ZNF845: variants seen among roughly 807,000 people sequenced by gnomAD.
ZNF845 encodes zinc finger protein 845.
In ZNF845, 59 loss-of-function variants were observed where a neutral mutation model predicts 76.1. The observed-to-expected ratio is 0.78, with a 90% CI of 0.63 to 0.96. The LOEUF (loss-of-function observed/expected upper bound fraction) is 0.96, where lower values mean the gene tolerates loss of function less well. ZNF845 is among the 40% of genes least tolerant of loss of function. The probability of loss-of-function intolerance (pLI) is 0.00; values close to 1 mark genes in which losing one functional copy is unlikely to be tolerated. For missense variants in ZNF845, 1,045 were observed against 1,172.8 expected, an observed-to-expected ratio of 0.89 and a Z score of 1.59; for synonymous variants, 361 against 386.9, an observed-to-expected ratio of 0.93 and a Z score of 0.78.
At position 53,351,441 on chromosome 19, in the gene ZNF845, C is replaced by G. The variant is rs771738910; in HGVS notation, c.766C>G (p.Arg256Gly). ...DVCGKVFNQK[R>G]YLACHRRCHT... ...GTGTGGCAAGGTCTTTAATCAAAAGCGATATCTTGCATGTCATCGTAGATG... is the reference window on the plus strand; with the variant it reads ...GTGTGGCAAGGTCTTTAATCAAAAGGGATATCTTGCATGTCATCGTAGATG... The change falls in exon 4 of 4, where the codon CGA becomes GGA. Residue 256 changes from arginine (R) to glycine (G), a missense_variant. Transcript: ENST00000458035. 1 of 1,614,128 alleles carries G rather than the reference C, an allele frequency of 6.2e-7. No individual in the cohort carries two copies. Among genetic ancestry groups the G allele is most frequent in the Non-Finnish European group, 8.5e-7 (1 of 1,180,024 alleles).
chr19:53,341,624 G>T (rs2085257687), intron 2 of ZNF845, among the ~76,000 whole-genome samples: 1 of 152,032 alleles, frequency 6.6e-6, no homozygotes, highest in Admixed American at 6.6e-5. Flanking sequence ...TTGTTCAGGG[G>T]CCACATCTGG....
At chr19:53,346,121 A>T (rs907054570) in intron 3 of ZNF845, among the ~76,000 whole-genome samples, 1 of 152,136 alleles carries the variant, frequency 6.6e-6, no homozygotes, top group African/African-American at 2.4e-5. Flanking sequence ...TTGCCTTCTG[A>T]GTGCAGAGTT....
At position 53,354,004 on chromosome 19, in the gene ZNF845, C is replaced by T; in HGVS notation, c.*416C>T. 2.0e-6 allele frequency: 1 copy of T among 492,360 alleles called. No individual in the cohort carries two copies. Among genetic ancestry groups the T allele is most frequent in the Non-Finnish European group, 3.7e-6 (1 of 269,890 alleles). The allele number at this position is 492,360 out of a possible 1,614,324, so 30.5% of individuals were successfully genotyped here. A position where few individuals can be genotyped will look rare whatever the true frequency, so the allele number is the denominator to read the frequency against. On this transcript the variant is annotated 3_prime_UTR_variant, in exon 4 of 4. Transcript: ENST00000458035. Reference sequence around the variant, plus strand: ...GAACTCATGCTGGAGAGAAACCTTACAAATGTCATGATTGTGGCAAGGTCT... The same window carrying T: ...GAACTCATGCTGGAGAGAAACCTTATAAATGTCATGATTGTGGCAAGGTCT...
Position 53,333,805 on chromosome 19 carries a change from C to A in ZNF845, c.-74+13C>A. The stretch of plus-strand genomic sequence containing the variant: ...TCCCACCGCAGCGGTGAGTTTTGCT[C>A]TGTGTTGTGTTAAGTCTGCGCTTCC... On this transcript the variant is annotated intron_variant, in intron 1 of 3. Coordinates refer to ENST00000458035, the MANE Select transcript of ZNF845 (RefSeq NM_138374.3). 6.3e-6 allele frequency: 1 copy of A among 159,532 alleles called. No individual in the cohort carries two copies. The highest frequency in any genetic ancestry group is 1.7e-4 in the South Asian group (1 of 5,864). The allele number at this position is 159,532 out of a possible 1,614,324, so 9.9% of individuals were successfully genotyped here.
chr19:53,337,111 T>G (rs761083317), intron 1 of ZNF845: 2 of 456,804 alleles, frequency 4.4e-6, no homozygotes, highest in Non-Finnish European at 8.8e-6. Flanking sequence ...GAGCTTGCCC[T>G]CATCGCATGA....
Position 53,351,441 on chromosome 19 carries a change from C to T in ZNF845, c.766C>T (p.Arg256Ter). 9 of 1,614,128 alleles carry T rather than the reference C, an allele frequency of 5.6e-6. No homozygotes were observed. In the South Asian group the frequency reaches 6.6e-5, roughly 12 times the overall value. ...DVCGKVFNQK[R>*]YLACHRRCHT... ...GTGTGGCAAGGTCTTTAATCAAAAGCGATATCTTGCATGTCATCGTAGATG... is the reference window on the plus strand; with the variant it reads ...GTGTGGCAAGGTCTTTAATCAAAAGTGATATCTTGCATGTCATCGTAGATG... Residue 256 changes from arginine (R) to a stop codon, truncating the protein, a stop_gained, in exon 4 of 4, where the codon CGA becomes TGA. Transcript: ENST00000458035. LOFTEE classifies it high-confidence loss of function.
At chr19:53,347,281 T>C (rs955954307) in intron 3 of ZNF845, among the ~76,000 whole-genome samples, 1 of 151,106 alleles carries the variant, frequency 6.6e-6, no homozygotes, top group Non-Finnish European at 1.5e-5. Context: ...CTTTCTTTTT[T>C]TTTTTTTTCT....
intron 3 of ZNF845, among the ~76,000 whole-genome samples, chr19:53,348,019 G>A (rs1179911551): frequency 3.3e-5 from 5 of 152,146 alleles, no homozygotes; most frequent in South Asian, 2.1e-4. Flanking sequence ...GTGAAATCCC[G>A]TCTCCACTAA....
intron 2 of ZNF845, 131 bp downstream of exon 2, chr19:53,341,453 C>G: frequency 1.5e-6 from 2 of 1,346,042 alleles, no homozygotes; most frequent in South Asian, 2.5e-5. Context: ...CATGCCTTCC[C>G]TCAGTCCCTC....
In ZNF845 at chr19:53,352,493, G is replaced by T. The variant is rs776661745; in HGVS notation, c.1818G>T (p.Ser606=). The change falls in exon 4 of 4, where the codon TCG becomes TCT. Residue 606 remains serine (S), a synonymous_variant. Transcript: ENST00000458035. The stretch of plus-strand genomic sequence containing the variant: ...GGAGAATCCATAATGAAGAGAGATC[G>T]TACAAGTGTAATAGATGTGGCAAAT... ...NHWRIHNEER[S]YKCNRCGKFF... is the part of the protein sequence containing the mutation. The T allele has an allele frequency of 1.4e-5, 23 of 1,610,970 alleles. No homozygotes were observed. Among genetic ancestry groups the T allele is most frequent in the Non-Finnish European group, 7.6e-6 (9 of 1,178,468 alleles).
chr19:53,353,335 A>C lies in ZNF845; in HGVS notation c.2660A>C (p.Tyr887Ser), dbSNP rs1427230429. ...HHRLHTGEKPYKCNKCGKVFN... is the reference protein window; with the variant it reads ...HHRLHTGEKPSKCNKCGKVFN... The stretch of plus-strand genomic sequence containing the variant: ...AGACTTCATACTGGAGAGAAACCTT[A>C]CAAGTGTAATAAATGTGGTAAGGTT... The change falls in exon 4 of 4, where the codon TAC becomes TCC. Residue 887 changes from tyrosine (Y) to serine (S), a missense_variant. By Grantham distance (144) the Tyr-to-Ser change is moderately radical (BLOSUM62 -2). Transcript: ENST00000458035. The C allele has an allele frequency of 6.2e-7, 1 of 1,613,806 alleles. No homozygotes were observed. Among genetic ancestry groups the C allele is most frequent in the Admixed American group, 1.7e-5 (1 of 59,978 alleles).
chr19:53,354,215 T>C lies in ZNF845; in HGVS notation c.*627T>C, dbSNP rs2085367776. ...AGGTCTTCAGTCTGAGATCACCCCTTAAGGAACATCAGAAAATTCATTTTT... is the reference window on the plus strand; with the variant it reads ...AGGTCTTCAGTCTGAGATCACCCCTCAAGGAACATCAGAAAATTCATTTTT... On this transcript the variant is annotated 3_prime_UTR_variant, in exon 4 of 4. Transcript: ENST00000458035. 3 of 532,986 alleles carry C rather than the reference T, an allele frequency of 5.6e-6. No homozygotes were observed. Among genetic ancestry groups the C allele is most frequent in the South Asian group, 4.4e-5 (3 of 68,266 alleles). The allele number at this position is 532,986 out of a possible 1,614,324, so 33.0% of individuals were successfully genotyped here.
At chr19:53,339,375 C>T (rs534701130) in intron 1 of ZNF845, among the ~76,000 whole-genome samples, 3 of 152,268 alleles carry the variant, frequency 2.0e-5, no homozygotes, top group South Asian at 2.1e-4. Flanking sequence ...CTCCCTTTCC[C>T]GTTGTCTTCT....
intron 3 of ZNF845, among the ~76,000 whole-genome samples, chr19:53,346,041 T>C (rs8109411): frequency 0.088 from 13,392 of 152,126 alleles, 784 homozygotes; most frequent in Admixed American, 0.21. Context: ...GTAGCATATG[T>C]GTGTCCTTAG....
At chr19:53,347,442 G>GT (rs11353009) in intron 3 of ZNF845, among the ~76,000 whole-genome samples, 57 of 147,872 alleles carry the variant, frequency 3.9e-4, no homozygotes, top group Admixed American at 5.3e-4. Flanking sequence ...ACACCTGGCT[G>GT]TTTTTTTTTT....
intron 2 of ZNF845, among the ~76,000 whole-genome samples, chr19:53,344,036 G>A (rs1206726126): frequency 6.6e-6 from 1 of 151,882 alleles, no homozygotes; most frequent in Non-Finnish European, 1.5e-5. Context: ...GAGTGCAATG[G>A]TGAGATTTAG....
At position 53,355,997 on chromosome 19, in the gene ZNF845, A is replaced by G. The variant is rs946811366; in HGVS notation, c.*2409A>G. ...AATAGGTAGCACTTGGATGTTTACA[A>G]TCCCTTTTTATATCCTCTTGAATAC... On this transcript the variant is annotated 3_prime_UTR_variant, in exon 4 of 4. Transcript: ENST00000458035. The G allele has an allele frequency of 2.0e-5, 3 of 152,178 alleles. No individual in the cohort carries two copies. The highest frequency in any genetic ancestry group is 6.5e-5 in the Admixed American group (1 of 15,276). 9.4% of individuals were successfully genotyped at this position (152,178 alleles called of 1,614,324 possible).
chr19:53,351,684 A>G lies in ZNF845; in HGVS notation c.1009A>G (p.Ser337Gly). ...GTGTAATGAATGTGGCAAGACCTTC[A>G]GTCAAACGTCATACCTTGTGTACCA... ...YKCNECGKTFSQTSYLVYHRR... is the reference protein window; with the variant it reads ...YKCNECGKTFGQTSYLVYHRR... Residue 337 changes from serine to glycine, a missense_variant, in exon 4 of 4, where the codon AGT becomes GGT. By Grantham distance (56) the Ser-to-Gly change is moderately conservative (BLOSUM62 0). Transcript: ENST00000458035. The G allele has an allele frequency of 6.2e-7, 1 of 1,614,108 alleles. No homozygotes were observed. The highest frequency in any genetic ancestry group is 8.5e-7 in the Non-Finnish European group (1 of 1,179,940).
chr19:53,344,694 A>T (rs931722587), intron 2 of ZNF845, among the ~76,000 whole-genome samples: 3 of 146,402 alleles, frequency 2.0e-5, no homozygotes, highest in African/African-American at 7.6e-5. Flanking sequence ...GTAATGGCAC[A>T]ATCTCAGCTC....
Sources: gnomAD v4.1 joint callset for allele counts (sites outside exome capture counted in the v4.1 genomes callset) on GRCh38, gnomAD v4.1.1 for gene constraint, MANE v1.5 for transcripts, NCBI Gene and HGNC (gene_info 2026-07-23, HGNC 2026-07-21) for gene names.